Variants in CD163L1 observed in about 807,000 individuals in gnomAD.
CD163L1 encodes the protein CD163 molecule like 1.
A neutral mutation model predicts 165.4 loss-of-function variants in CD163L1; 124 were observed. The ratio of observed to expected loss-of-function variants is 0.75; its 90% CI spans 0.65 to 0.87. CD163L1 has a LOEUF of 0.87. CD163L1 is among the 40% of genes least tolerant of loss of function. CD163L1 has a pLI of 0.00. For missense variants in CD163L1, 1,525 were observed against 1,799.9 expected (o/e 0.85, Z 2.76); for synonymous variants, 585 against 662.2 (o/e 0.88, Z 1.79).
At chr12:7,333,113 T>G in the CD163L1 span, among the ~76,000 whole-genome samples, 2 of 152,102 alleles carry the variant, frequency 1.3e-5, no homozygotes, top group African/African-American at 4.8e-5. Flanking sequence ...TACCCAGGAA[T>G]TGAACTCAGC....
In CD163L1 at chr12:7,433,616, T is replaced by C. The variant is rs1467544352; in HGVS notation, c.203A>G (p.Gln68Arg). 2.5e-6 allele frequency: 4 copies of C among 1,614,068 alleles called. No homozygotes were observed. The highest frequency in any genetic ancestry group is 3.4e-6 in the Non-Finnish European group (4 of 1,179,944). The change falls in exon 3 of 20, where the codon CAG becomes CGG. Residue 68 changes from glutamine to arginine, a missense_variant. Gln to Arg is a conservative substitution (Grantham distance 43). Coordinates refer to ENST00000313599, the MANE Select transcript of CD163L1 (RefSeq NM_174941.6). ...CCCATCATCACACACAGTCCCCCAC[T>C]GTCCCTGGAATTTCACCTCCACTGT... ...SGTVEVKFQG[Q>R]WGTVCDDGWN... is the part of the protein sequence containing the mutation.
intron 1 of CD163L1, among the ~76,000 whole-genome samples, chr12:7,443,640 A>T (rs900719401): frequency 6.6e-6 from 1 of 152,224 alleles, no homozygotes; most frequent in Admixed American, 6.5e-5. Flanking sequence ...AGATTCTACT[A>T]CATGACCTTA....
chr12:7,379,187 A>T lies in CD163L1; in HGVS notation c.2162T>A (p.Met721Lys), dbSNP rs900402435. The change falls in exon 9 of 20, where the codon ATG becomes AAG. Residue 721 changes from methionine to lysine, a missense_variant. Physicochemically the swap from Met to Lys is moderately conservative, Grantham distance 95 (BLOSUM62 -1). Transcript: ENST00000313599. ...CCTGCAAACAACTTCAGCAATGTTC[A>T]TTCCCCAGCCATTAGCACACAGAAT... is the stretch of plus-strand genomic sequence containing the variant. ...VGILCANGWG[M>K]NIAEVVCRQL... 1 of 1,614,172 alleles carries T rather than the reference A, an allele frequency of 6.2e-7. No individual in the cohort carries two copies. Among genetic ancestry groups the T allele is most frequent in the Admixed American group, 1.7e-5 (1 of 60,014 alleles).
chr12:7,358,378 G>C (rs1291726619), intron 18 of CD163L1, among the ~76,000 whole-genome samples: 2 of 152,076 alleles, frequency 1.3e-5, no homozygotes, highest in African/African-American at 4.8e-5. Context: ...GGGGAAAGTA[G>C]TCATTTTGAA....
chr12:7,359,279 A>AAAAC (rs1248396668), intron 18 of CD163L1, among the ~76,000 whole-genome samples: 1 of 151,984 alleles, frequency 6.6e-6, no homozygotes, highest in Non-Finnish European at 1.5e-5. Context: ...CCAAAAAAAC[A>AAAAC]AAACAAACAA....
At position 7,369,701 on chromosome 12, in the gene CD163L1, G is replaced by T; in HGVS notation, c.3731-36C>A. 6.3e-7 allele frequency: 1 copy of T among 1,577,272 alleles called. No individual in the cohort carries two copies. The highest frequency in any genetic ancestry group is 2.3e-5 in the East Asian group (1 of 44,312). ...ACAAAACATGGCTGTCTTTACTCCTGAAGGAGGTTGTGGGAGAATGCTGAG... is the reference window on the plus strand; with the variant it reads ...ACAAAACATGGCTGTCTTTACTCCTTAAGGAGGTTGTGGGAGAATGCTGAG... On this transcript the variant is annotated intron_variant, in intron 14 of 19. Coordinates refer to ENST00000313599, the MANE Select transcript of CD163L1 (RefSeq NM_174941.6). The surrounding 1 kb of genome is among the most constrained non-coding windows in gnomAD (Gnocchi z 4.9).
At chr12:7,403,901 TATC>T (rs1947963231) in intron 5 of CD163L1, 46 bp from the exon 6 acceptor site, 1 of 1,537,682 alleles carries the variant, frequency 6.5e-7, no homozygotes, top group African/African-American at 1.4e-5. Context: ...TTTGGGACAA[TATC>T]ATCAGCATCC....
intron 18 of CD163L1, among the ~76,000 whole-genome samples, chr12:7,362,125 C>T (rs1946905117): frequency 6.8e-6 from 1 of 146,118 alleles, no homozygotes; most frequent in South Asian, 2.1e-4. Context: ...ATAAGGTACA[C>T]TTGTATATTA....
rs1411723161 is a variant in CD163L1, at chr12:7,421,027, A to ACG, written c.766+11388_766+11389insCG. 8.2e-4 allele frequency among the ~76,000 whole-genome samples: 86 copies of ACG among 105,284 alleles called. 2 individuals carry two copies. Among genetic ancestry groups the ACG allele is most frequent in the African/African-American group, 3.4e-3 (57 of 16,970 alleles). 69.1% of individuals were successfully genotyped at this position (105,284 alleles called of 152,430 possible). On this transcript the variant is annotated intron_variant, in intron 4 of 19. Coordinates refer to ENST00000313599, the MANE Select transcript of CD163L1 (RefSeq NM_174941.6). ...TATATATACGTGTATATATATACATATATATATACGTGTATATATATGTAT... is the reference window on the plus strand; with the variant it reads ...TATATATACGTGTATATATATACATACGTATATATACGTGTATATATATGTAT...
the CD163L1 span, among the ~76,000 whole-genome samples, chr12:7,329,168 G>A: frequency 6.8e-6 from 1 of 147,956 alleles, no homozygotes; most frequent in South Asian, 2.1e-4. Flanking sequence ...ATCTGAAAGT[G>A]TATATGTATA....
rs200762941 is a variant in CD163L1 at position 7,370,248 on chromosome 12, A to G, written c.3731-583T>C. On this transcript the variant is annotated intron_variant, in intron 14 of 19. Coordinates refer to ENST00000313599, the MANE Select transcript of CD163L1 (RefSeq NM_174941.6). ...AAATGCAGGATAAGCCCAACTCTCT[A>G]CCTCCTTTAAGCCGGTTCCTGAAAT... Among the ~76,000 whole-genome samples, 6 of 151,920 alleles carry G rather than the reference A, an allele frequency of 3.9e-5. No homozygotes were observed. In the East Asian group the frequency reaches 1.2e-3, roughly 29 times the overall value.
At chr12:7,366,240 C>T (rs190321589) in intron 18 of CD163L1, among the ~76,000 whole-genome samples, 177 of 150,438 alleles carry the variant, frequency 1.2e-3, no homozygotes, top group African/African-American at 3.3e-3. Flanking sequence ...TATCAGAGGC[C>T]GGAAAGGGTA....
intron 18 of CD163L1, among the ~76,000 whole-genome samples, chr12:7,362,474 T>C (rs922236500): frequency 1.4e-5 from 2 of 139,548 alleles, no homozygotes; most frequent in African/African-American, 5.3e-5. Flanking sequence ...AATAATTTAT[T>C]CTGTAAGATA....
chr12:7,397,346 C>T (rs139270219), intron 7 of CD163L1, among the ~76,000 whole-genome samples: 210 of 152,210 alleles, frequency 1.4e-3, no homozygotes, highest in African/African-American at 4.9e-3. Flanking sequence ...GATGTCTTCC[C>T]GGAAAGAAAC....
chr12:7,433,239 G>A (rs2136634182), intron 3 of CD163L1, 135 bp downstream of exon 3: 1 of 676,054 alleles, frequency 1.5e-6, no homozygotes, highest in East Asian at 2.8e-5. Context: ...AATAAGGGAA[G>A]GGTAGAATAT....
At chr12:7,442,138 C>T (rs769850752) in intron 1 of CD163L1, among the ~76,000 whole-genome samples, 1 of 152,214 alleles carries the variant, frequency 6.6e-6, no homozygotes, top group East Asian at 1.9e-4. Flanking sequence ...ATAAGAAATA[C>T]TTTAAAATAA....
At chr12:7,330,831 G>C in the CD163L1 span, among the ~76,000 whole-genome samples, 1 of 152,108 alleles carries the variant, frequency 6.6e-6, no homozygotes. Context: ...TTAGAACTAA[G>C]ACTCGAGTCT....
At chr12:7,403,134 T>C (rs1346254323) in intron 6 of CD163L1, among the ~76,000 whole-genome samples, 1 of 152,146 alleles carries the variant, frequency 6.6e-6, no homozygotes, top group African/African-American at 2.4e-5. Context: ...GATTTGTATA[T>C]ATTCCTAATT....
At chr12:7,333,849 A>C in the CD163L1 span, among the ~76,000 whole-genome samples, 1 of 152,240 alleles carries the variant, frequency 6.6e-6, no homozygotes, top group Admixed American at 6.5e-5. Context: ...CCATCAGAGA[A>C]TACTATAAAC....
Sources: gnomAD v4.1 joint callset for allele counts (sites outside exome capture counted in the v4.1 genomes callset) on GRCh38, gnomAD v4.1.1 for gene constraint, Gnocchi (gnomAD v3.1) non-coding constraint, MANE v1.5 for transcripts, NCBI Gene and HGNC (gene_info 2026-07-23, HGNC 2026-07-21) for gene names.